Variants in GALNT18 observed in about 807,000 individuals in gnomAD.
The protein encoded by GALNT18 is polypeptide N-acetylgalactosaminyltransferase 18.
Under a neutral mutation model 69.5 loss-of-function variants are expected in GALNT18, and 44 were observed. The observed-to-expected ratio is 0.63, with a 90% CI of 0.50 to 0.81. The LOEUF (loss-of-function observed/expected upper bound fraction) is 0.81. Among genes scored for constraint, GALNT18 ranks in the 40% least tolerant of loss-of-function variants. GALNT18 has a pLI of 0.00. For synonymous variants in GALNT18, 364 were observed against 318.2 expected, an observed-to-expected ratio of 1.14 and a Z score of -1.53; for missense variants, 715 against 810.0, an observed-to-expected ratio of 0.88 and a Z score of 1.42.
rs114638065 is a variant in GALNT18, at chr11:11,419,234, C to T, written c.595+13387G>A. Among the ~76,000 whole-genome samples the T allele has an allele frequency of 2.9e-3, 437 of 152,268 alleles. 1 individual carries two copies. The highest frequency in any genetic ancestry group is 0.01 in the African/African-American group (416 of 41,572). Reference sequence around the variant, plus strand: ...TTCTGTTAGTGGTTGCTGGTAAAAACCCTTCCTGCTCACTAGTCAGACATT... The same window carrying T: ...TTCTGTTAGTGGTTGCTGGTAAAAATCCTTCCTGCTCACTAGTCAGACATT... On this transcript the variant is annotated intron_variant, in intron 3 of 10. Coordinates refer to ENST00000227756, the MANE Select transcript of GALNT18 (RefSeq NM_198516.3).
intron 1 of GALNT18, among the ~76,000 whole-genome samples, chr11:11,607,897 C>CACAT (rs1431116836): frequency 2.0e-5 from 3 of 152,244 alleles, no homozygotes; most frequent in Non-Finnish European, 4.4e-5. Flanking sequence ...CTGGCATTGT[C>CACAT]TGCTGCCCAC....
chr11:11,498,723 C>G lies in GALNT18; in HGVS notation c.236-49787G>C, dbSNP rs538134855. On this transcript the variant is annotated intron_variant, in intron 1 of 10. Coordinates refer to ENST00000227756, the MANE Select transcript of GALNT18 (RefSeq NM_198516.3). ...CTGAGACAGGAGAATTGCTTGAACC[C>G]GGGAGGCAGAGGTTGCAATGAGCCA... Among the ~76,000 whole-genome samples the G allele has an allele frequency of 4.3e-4, 66 of 152,178 alleles. No homozygotes were observed. In the East Asian group the frequency reaches 0.011, roughly 26 times the overall value.
intron 9 of GALNT18, among the ~76,000 whole-genome samples, chr11:11,300,146 G>T (rs548139757): frequency 5.9e-5 from 9 of 152,360 alleles, no homozygotes; most frequent in African/African-American, 2.2e-4. Context: ...TCTTCCAAAT[G>T]ATGGGCATGT....
At position 11,421,713 on chromosome 11, in the gene GALNT18, C is replaced by G. The variant is rs1855008724; in HGVS notation, c.595+10908G>C. On this transcript the variant is annotated intron_variant, in intron 3 of 10. Transcript: ENST00000227756. This position sits in a 1 kb window ranked among gnomAD's most constrained non-coding sequence, Gnocchi z 5.6. ...ACTGCTGTTAAGTCAAGGCCACCCA[C>G]TGGGAAGAAACAATACTTCTCTGCA... Among the ~76,000 whole-genome samples the G allele has an allele frequency of 1.3e-5, 2 of 151,386 alleles. No individual in the cohort carries two copies. Among genetic ancestry groups the G allele is most frequent in the Admixed American group, 1.3e-4 (2 of 15,262 alleles).
chr11:11,281,099 G>C (rs1590002266), intron 10 of GALNT18, among the ~76,000 whole-genome samples: 1 of 152,206 alleles, frequency 6.6e-6, no homozygotes, highest in South Asian at 2.1e-4. Context: ...CCAGTGGTTT[G>C]TCTTCCCCAC....
intron 7 of GALNT18, among the ~76,000 whole-genome samples, chr11:11,334,917 G>T (rs1216236941): frequency 1.3e-5 from 2 of 152,188 alleles, no homozygotes; most frequent in African/African-American, 4.8e-5. Flanking sequence ...GGCAGTAGAT[G>T]TAATCTACCT....
chr11:11,503,707 A>G (rs185777589), intron 1 of GALNT18, among the ~76,000 whole-genome samples: 4 of 152,384 alleles, frequency 2.6e-5, no homozygotes, highest in African/African-American at 9.6e-5. Flanking sequence ...GCGGATTATG[A>G]GAAAGCTTCG....
chr11:11,344,742 A>G (rs539919284), intron 6 of GALNT18, among the ~76,000 whole-genome samples: 1 of 152,008 alleles, frequency 6.6e-6, no homozygotes, highest in South Asian at 2.1e-4. Flanking sequence ...CACTGAGCCT[A>G]CCTCAGTGTG....
intron 1 of GALNT18, among the ~76,000 whole-genome samples, chr11:11,522,162 C>G (rs1857413893): frequency 6.6e-6 from 1 of 152,214 alleles, no homozygotes; most frequent in Non-Finnish European, 1.5e-5. Context: ...AATCCTCCCC[C>G]TGAGGTGCTA....
intron 1 of GALNT18, among the ~76,000 whole-genome samples, chr11:11,615,405 C>A (rs539816365): frequency 2.6e-5 from 4 of 152,194 alleles, no homozygotes; most frequent in East Asian, 1.9e-4. Flanking sequence ...AGTTAATAAC[C>A]CATTTCTCCA....
At chr11:11,358,247 C>T (rs1037361029) in intron 6 of GALNT18, among the ~76,000 whole-genome samples, 8 of 140,658 alleles carry the variant, frequency 5.7e-5, no homozygotes, top group Admixed American at 4.9e-4. Context: ...TCTATCTTAA[C>T]ACCAACTACA....
In GALNT18 at chr11:11,433,088, C is replaced by A. The variant is rs563522119; in HGVS notation, c.429-301G>T. 8.5e-5 allele frequency among the ~76,000 whole-genome samples: 13 copies of A among 152,354 alleles called. No homozygotes were observed. In the South Asian group the frequency reaches 2.7e-3, roughly 32 times the overall value. ...CTGGCAGGTAGTCCCTGATTGTTTA[C>A]TGGAAGAATGATTCAATGTTTCTAA... On this transcript the variant is annotated intron_variant, in intron 2 of 10. Coordinates refer to ENST00000227756, the MANE Select transcript of GALNT18 (RefSeq NM_198516.3).
In GALNT18 at chr11:11,492,550, T is replaced by C. The variant is rs141232220; in HGVS notation, c.236-43614A>G. ...AAGAAAATGTGGTACATATATGCCA[T>C]GGAATATTGTGCAGCCATAAAAAAG... On this transcript the variant is annotated intron_variant, in intron 1 of 10. Transcript: ENST00000227756. Among the ~76,000 whole-genome samples the C allele has an allele frequency of 5.8e-3, 878 of 152,284 alleles. 18 individuals are homozygous for C. Among genetic ancestry groups the C allele is most frequent in the Admixed American group, 0.029 (438 of 15,298 alleles).
chr11:11,517,197 C>G (rs1271306281), intron 1 of GALNT18, among the ~76,000 whole-genome samples: 1 of 152,184 alleles, frequency 6.6e-6, no homozygotes, highest in Non-Finnish European at 1.5e-5. Flanking sequence ...TTATAAGCCA[C>G]CCAGTCTACA....
At chr11:11,279,824 A>T (rs953503724) in intron 10 of GALNT18, among the ~76,000 whole-genome samples, 1 of 152,062 alleles carries the variant, frequency 6.6e-6, no homozygotes, top group African/African-American at 2.4e-5. Context: ...AAACCTAGGG[A>T]TTTGCTTTGT....
intron 1 of GALNT18, among the ~76,000 whole-genome samples, chr11:11,489,300 G>T (rs1856711174): frequency 1.3e-5 from 2 of 152,162 alleles, no homozygotes; most frequent in South Asian, 4.2e-4. Context: ...GAGAGATGTG[G>T]GATCCCTGAA....
chr11:11,273,149 T>G (rs1848862130), intron 10 of GALNT18, among the ~76,000 whole-genome samples: 1 of 152,134 alleles, frequency 6.6e-6, no homozygotes, highest in Admixed American at 6.5e-5. Context: ...TGGGCAACAA[T>G]TTCTTGAGAC....
At chr11:11,360,279 C>A (rs1272264370) in intron 6 of GALNT18, among the ~76,000 whole-genome samples, 1 of 152,194 alleles carries the variant, frequency 6.6e-6, no homozygotes, top group Non-Finnish European at 1.5e-5. Context: ...TGTGAAGCCC[C>A]ACCTAACTTC....
At chr11:11,401,983 A>G (rs1400172812) in intron 3 of GALNT18, among the ~76,000 whole-genome samples, 1 of 152,256 alleles carries the variant, frequency 6.6e-6, no homozygotes, top group East Asian at 1.9e-4. Context: ...GCCTTAAGGA[A>G]TAAAGAAAAG....
Sources: gnomAD v4.1 joint callset for allele counts (sites outside exome capture counted in the v4.1 genomes callset) on GRCh38, gnomAD v4.1.1 for gene constraint, Gnocchi (gnomAD v3.1) non-coding constraint, MANE v1.5 for transcripts, NCBI Gene and HGNC (gene_info 2026-07-23, HGNC 2026-07-21) for gene names.